Variants in TFEC observed in about 807,000 individuals in gnomAD.
TFEC encodes transcription factor EC.
TFEC carries 31 observed loss-of-function variants against 41.6 expected under a neutral mutation model. The observed-to-expected ratio is 0.74, with a 90% CI of 0.56 to 1.01. The LOEUF (loss-of-function observed/expected upper bound fraction) is 1.01. Among genes scored for constraint, TFEC ranks in the 50% least tolerant of loss-of-function variants. The pLI is 0.00. For missense variants in TFEC, 402 were observed against 404.1 expected, an observed-to-expected ratio of 0.99 and a Z score of 0.04; for synonymous variants, 143 against 140.6, an observed-to-expected ratio of 1.02 and a Z score of -0.12.
At chr7:116,050,536 A>G (rs1339681117) in intron 3 of TFEC, among the ~76,000 whole-genome samples, 6 of 152,256 alleles carry the variant, frequency 3.9e-5, no homozygotes, top group Non-Finnish European at 1.5e-5. Context: ...GCCAACAGAC[A>G]CATCAAAAAG....
chr7:116,070,841 A>G (rs1220888268), intron 3 of TFEC, among the ~76,000 whole-genome samples: 1 of 151,404 alleles, frequency 6.6e-6, no homozygotes, highest in Non-Finnish European at 1.5e-5. Flanking sequence ...GAAGCATGAA[A>G]AAATAATTCA....
intron 2 of TFEC, 96 bp from the exon 3 acceptor site, chr7:115,974,352 GT>G (rs1793272949): frequency 2.8e-6 from 2 of 722,052 alleles, no homozygotes; most frequent in Non-Finnish European, 3.8e-6. Context: ...ATCTTTAAAA[GT>G]TTTTAGACAA....
intron 1 of TFEC, among the ~76,000 whole-genome samples, chr7:116,133,292 G>A (rs1167731470): frequency 6.6e-6 from 1 of 152,154 alleles, no homozygotes; most frequent in Non-Finnish European, 1.5e-5. Context: ...GTTCATGCCT[G>A]TAATCCCAGC....
At chr7:115,961,147 C>A (rs1792524400) in intron 3 of TFEC, among the ~76,000 whole-genome samples, 1 of 151,548 alleles carries the variant, frequency 6.6e-6, no homozygotes, top group African/African-American at 2.4e-5. Context: ...AATGTTAAAT[C>A]TCAGCCCAAT....
intron 3 of TFEC, among the ~76,000 whole-genome samples, chr7:116,073,616 A>T (rs1796882436): frequency 6.6e-6 from 1 of 151,912 alleles, no homozygotes; most frequent in Admixed American, 6.6e-5. Context: ...GTTTTTTTGC[A>T]TAAATTGACA....
In TFEC at chr7:116,095,225, C is replaced by A. The variant is rs552454206; in HGVS notation, c.198+15483G>T. Among the ~76,000 whole-genome samples the A allele has an allele frequency of 5.8e-4, 88 of 152,200 alleles. 1 individual carries two copies. Among genetic ancestry groups the A allele is most frequent in the African/African-American group, 2.0e-3 (85 of 41,536 alleles). On this transcript the variant is annotated intron_variant, in intron 3 of 8. Coordinates refer to the TFEC transcript ENST00000484212. ...CCACTGAATTTTCAAAACTTTTTTG[C>A]CTTAACTCACCTTAAATCCTATTTT...
chr7:115,953,410 T>C (rs1792052936), intron 5 of TFEC, among the ~76,000 whole-genome samples: 1 of 152,114 alleles, frequency 6.6e-6, no homozygotes, highest in African/African-American at 2.4e-5. Context: ...ATTTTTTAAG[T>C]GTTTGTTTCC....
At chr7:115,979,616 T>G (rs1793536238) in intron 2 of TFEC, among the ~76,000 whole-genome samples, 2 of 152,130 alleles carry the variant, frequency 1.3e-5, no homozygotes, top group Non-Finnish European at 2.9e-5. Flanking sequence ...TTTATTTTCA[T>G]TTGTCCTTTG....
intron 1 of TFEC, among the ~76,000 whole-genome samples, chr7:115,985,034 AT>A (rs1337989327): frequency 1.3e-5 from 2 of 151,930 alleles, no homozygotes; most frequent in South Asian, 2.1e-4. Flanking sequence ...AATCTAGATG[AT>A]TTTTTTCTAC....
In TFEC at chr7:115,940,811, A is replaced by G. The variant is rs1238858431; in HGVS notation, c.784T>C (p.Cys262Arg). ...CCCTGAGACACAGTCAGTTGTTGGC[A>G]ATAGTCTACTGAATTCTGCTCAGGA... is the stretch of plus-strand genomic sequence containing the variant. ...SHPEQNSVDY[C>R]QQLTVSQGPS... The change falls in exon 8 of 8, where the codon TGC (cysteine) becomes CGC (arginine). Residue 262 changes from cysteine to arginine, a missense_variant. Cys to Arg is a radical substitution (Grantham distance 180, BLOSUM62 -3). Transcript: ENST00000265440. 4 of 1,613,556 alleles carry G rather than the reference A, an allele frequency of 2.5e-6. No homozygotes were observed. Among genetic ancestry groups the G allele is most frequent in the Non-Finnish European group, 3.4e-6 (4 of 1,179,634 alleles).
At chr7:116,064,437 G>A (rs572768455) in intron 3 of TFEC, among the ~76,000 whole-genome samples, 1 of 151,152 alleles carries the variant, frequency 6.6e-6, no homozygotes, top group South Asian at 2.1e-4. Flanking sequence ...TTTATTCTAT[G>A]TCAATCATAA....
rs1562874892 is a variant in TFEC at position 115,941,995 on chromosome 7, C to G, written c.561G>C (p.Glu187Asp). 6.2e-7 allele frequency: 1 copy of G among 1,613,028 alleles called. No individual in the cohort carries two copies. The part of the protein sequence containing the change: ...NKGTILKASV[E>D]YIKWLQKEQQ... ...GTTCTTTTTGTAGCCACTTGATGTACTCCACTGATGCTTTTAGAATGGTTC... is the reference window on the plus strand; with the variant it reads ...GTTCTTTTTGTAGCCACTTGATGTAGTCCACTGATGCTTTTAGAATGGTTC... The change falls in exon 7 of 8, where the codon GAG (glutamate) becomes GAC (aspartate). Residue 187 changes from glutamate to aspartate, a missense_variant. By Grantham distance (45) the Glu-to-Asp change is conservative. Coordinates refer to ENST00000265440, the MANE Select transcript of TFEC (RefSeq NM_012252.4).
intron 6 of TFEC, among the ~76,000 whole-genome samples, chr7:115,944,708 G>C (rs1791431101): frequency 6.6e-6 from 1 of 151,470 alleles, no homozygotes; most frequent in Non-Finnish European, 1.5e-5. Flanking sequence ...AGAGTATATG[G>C]TGTTTAGGAG....
Position 116,110,719 on chromosome 7 carries a change from AT to A in TFEC, c.186del (p.Ser63ProfsTer25). 1 of 1,516,516 alleles carries A rather than the reference AT, an allele frequency of 6.6e-7. No homozygotes were observed. The highest frequency in any genetic ancestry group is 1.3e-5 in the South Asian group (1 of 77,268). The allele number at this position is 1,516,516 out of a possible 1,614,324, so 93.9% of individuals were successfully genotyped here. A position where few individuals can be genotyped will look rare whatever the true frequency, so the allele number is the denominator to read the frequency against. On this transcript the variant is annotated frameshift_variant, in exon 3 of 9. Transcript: ENST00000484212. LOFTEE classifies it high-confidence loss of function. ...ATACAGATACATACCCTGGTAAAGG[AT>A]GGTAATTGACTTGAATAAATTTGTG...
intron 2 of TFEC, among the ~76,000 whole-genome samples, chr7:115,980,872 G>T (rs1260756756): frequency 6.6e-6 from 1 of 151,892 alleles, no homozygotes; most frequent in African/African-American, 2.4e-5. Context: ...AAGACTAAAT[G>T]AATACTCTCT....
intron 2 of TFEC, among the ~76,000 whole-genome samples, 195 bp from the exon 3 acceptor site, chr7:115,974,451 A>ATAT (rs869072558): frequency 0.065 from 1,675 of 25,606 alleles, 47 homozygotes; most frequent in Admixed American, 0.083. Context: ...TATATATATA[A>ATAT]AAACACAGAT....
intron 1 of TFEC, among the ~76,000 whole-genome samples, chr7:116,158,972 C>T (rs1399134009): frequency 6.6e-6 from 1 of 152,002 alleles, no homozygotes; most frequent in East Asian, 1.9e-4. Flanking sequence ...ATTTGTCATG[C>T]TTAAGCAATA....
chr7:116,116,853 CTT>C lies in TFEC; in HGVS notation c.-68-4817_-68-4816del, dbSNP rs570028740. ...TCACTTATCACTAGTCACAGGAAGA[CTT>C]TTTCTACAGTAAAGAATCAGTTCTT... On this transcript the variant is annotated intron_variant, in intron 1 of 8. Coordinates refer to the TFEC transcript ENST00000484212. Among the ~76,000 whole-genome samples the C allele has an allele frequency of 5.9e-5, 9 of 151,884 alleles. No individual in the cohort carries two copies. In the South Asian group the frequency reaches 1.9e-3, roughly 31 times the overall value.
At chr7:116,035,508 C>G (rs1196304894), upstream of TFEC, among the ~76,000 whole-genome samples, 1 of 151,842 alleles carries the variant, frequency 6.6e-6, no homozygotes, top group Non-Finnish European at 1.5e-5. Flanking sequence ...TAATATCCAC[C>G]AAAATTATAG....
Sources: gnomAD v4.1 joint callset for allele counts (sites outside exome capture counted in the v4.1 genomes callset) on GRCh38, gnomAD v4.1.1 for gene constraint, MANE v1.5 for transcripts, NCBI Gene and HGNC (gene_info 2026-07-23, HGNC 2026-07-21) for gene names.